Variants in PLSCR1 observed in about 807,000 individuals in gnomAD.
The protein encoded by PLSCR1 is phospholipid scramblase 1, also known as PL scramblase 1.
Under a neutral mutation model 37.8 loss-of-function variants are expected in PLSCR1, and 17 were observed. That is an observed-to-expected ratio of 0.45 (90% CI 0.31 to 0.68). The LOEUF is 0.68. PLSCR1 is among the 30% of genes least tolerant of loss of function. The pLI is 0.06. For missense variants in PLSCR1, 347 were observed against 380.9 expected, an observed-to-expected ratio of 0.91 and a Z score of 0.74; for synonymous variants, 116 against 125.9, an observed-to-expected ratio of 0.92 and a Z score of 0.53.
chr3:146,524,454 T>C (rs373628273), intron 5 of PLSCR1, among the ~76,000 whole-genome samples: 2 of 151,806 alleles, frequency 1.3e-5, no homozygotes, highest in East Asian at 3.9e-4. Flanking sequence ...ACTGGAGACA[T>C]TTCTTTTTTG....
At position 146,536,531 on chromosome 3, in the gene PLSCR1, ATTAC is replaced by A. The variant is rs543373699; in HGVS notation, c.13+5_13+8del. ...GGAGGAAAGTAAACATTTAAAATAA[ATTAC>A]TTACTTTGTTTGTCCATGATTAAAA... On this transcript the variant is annotated splice_donor_5th_base_variant and intron_variant, in intron 2 of 8. Coordinates refer to ENST00000342435, the MANE Select transcript of PLSCR1 (RefSeq NM_021105.3). The A allele has an allele frequency of 2.5e-5, 33 of 1,343,056 alleles. No homozygotes were observed. In the Admixed American group the frequency reaches 4.5e-4, roughly 18 times the overall value. 83.2% of individuals were successfully genotyped at this position (1,343,056 alleles called of 1,614,324 possible). A position where few individuals can be genotyped will look rare whatever the true frequency, so the allele number is the denominator to read the frequency against.
intron 3 of PLSCR1, among the ~76,000 whole-genome samples, chr3:146,529,552 G>A (rs1404847771): frequency 2.7e-5 from 4 of 147,774 alleles, no homozygotes; most frequent in Non-Finnish European, 5.9e-5. Flanking sequence ...TTGCTCTGTC[G>A]CCCAGGCTGG....
intron 7 of PLSCR1, chr3:146,520,067 C>T (rs1383438411): frequency 6.6e-6 from 1 of 152,060 alleles, no homozygotes; most frequent in Non-Finnish European, 1.5e-5. Context: ...AGTGGTCCCT[C>T]ATACTGATAA....
At chr3:146,520,192 GAAGAA>G (rs2044000089) in intron 7 of PLSCR1, 1 of 151,810 alleles carries the variant, frequency 6.6e-6, no homozygotes, top group Non-Finnish European at 1.5e-5. Context: ...TAGATAAATA[GAAGAA>G]AAGTTAATTT....
intron 4 of PLSCR1, 26 bp downstream of exon 4, chr3:146,528,588 T>G: frequency 7.7e-6 from 12 of 1,553,340 alleles, no homozygotes; most frequent in South Asian, 2.2e-5. Context: ...CTGTTTTTTA[T>G]GAGTATTTTG....
intron 3 of PLSCR1, among the ~76,000 whole-genome samples, chr3:146,532,323 A>G (rs1300566976): frequency 1.3e-5 from 2 of 152,218 alleles, no homozygotes; most frequent in African/African-American, 4.8e-5. Context: ...TTTAGAGCAG[A>G]TGTTCTCAAC....
Position 146,522,022 on chromosome 3 carries a change from A to G in PLSCR1, c.387T>C (p.Tyr129=), listed in dbSNP as rs532789749. The part of the protein sequence containing the change: ...VLTGFETNNK[Y]EIKNSFGQRV... ...TCTGTCCAAAGCTGTTCTTAATTTC[A>G]TATTTGTTATTAGTTTCAAAACCTG... The change falls in exon 6 of 9, where the codon TAT becomes TAC. Residue 129 remains tyrosine, a synonymous_variant. Coordinates refer to ENST00000342435, the MANE Select transcript of PLSCR1 (RefSeq NM_021105.3). 4.4e-6 allele frequency: 7 copies of G among 1,608,436 alleles called. No individual in the cohort carries two copies. The Admixed American group carries it at 8.3e-5, about 19-fold the overall frequency.
At chr3:146,526,967 G>A (rs933844164) in intron 4 of PLSCR1, among the ~76,000 whole-genome samples, 7 of 152,080 alleles carry the variant, frequency 4.6e-5, no homozygotes, top group African/African-American at 9.7e-5. Context: ...TGGTGAAACC[G>A]TCTCTACTAA....
chr3:146,542,379 C>T (rs986982783), intron 1 of PLSCR1, among the ~76,000 whole-genome samples: 8 of 152,154 alleles, frequency 5.3e-5, no homozygotes, highest in African/African-American at 1.9e-4. Flanking sequence ...CCCACCACCC[C>T]AGCCTAAATA....
chr3:146,517,612 A>G (rs1356180233), intron 7 of PLSCR1, among the ~76,000 whole-genome samples: 1 of 152,168 alleles, frequency 6.6e-6, no homozygotes, highest in Admixed American at 6.5e-5. Flanking sequence ...ATTACTACCC[A>G]CTGTGAGTTG....
At chr3:146,543,553 A>C in intron 1 of PLSCR1, among the ~76,000 whole-genome samples, 1 of 152,234 alleles carries the variant, frequency 6.6e-6, no homozygotes, top group Non-Finnish European at 1.5e-5. Context: ...TAAGCCAGAA[A>C]AAACAACGAC....
intron 7 of PLSCR1, among the ~76,000 whole-genome samples, 170 bp downstream of exon 7, chr3:146,521,374 T>C (rs946837240): frequency 2.0e-5 from 3 of 152,192 alleles, no homozygotes; most frequent in African/African-American, 7.2e-5. Flanking sequence ...CAGTGACCTT[T>C]AATCAGAGTG....
intron 1 of PLSCR1, among the ~76,000 whole-genome samples, chr3:146,543,780 A>G (rs73865798): frequency 0.044 from 6,732 of 152,340 alleles, 503 homozygotes; most frequent in African/African-American, 0.15. Flanking sequence ...TTTAATAGTT[A>G]CACAATTTCA....
At chr3:146,534,811 G>A (rs2044244908) in intron 2 of PLSCR1, among the ~76,000 whole-genome samples, 2 of 152,270 alleles carry the variant, frequency 1.3e-5, no homozygotes, top group South Asian at 4.1e-4. Flanking sequence ...GGGAGGCGGA[G>A]GTTGCAGTGA....
intron 5 of PLSCR1, among the ~76,000 whole-genome samples, chr3:146,524,776 T>G (rs1422945424): frequency 6.6e-6 from 1 of 152,214 alleles, no homozygotes; most frequent in East Asian, 1.9e-4. Context: ...CAATTGTATA[T>G]TTTAGCCAAA....
chr3:146,533,172 G>T (rs1272773084), intron 3 of PLSCR1, among the ~76,000 whole-genome samples: 2 of 152,106 alleles, frequency 1.3e-5, no homozygotes, highest in Non-Finnish European at 2.9e-5. Context: ...ATTTTAGGAT[G>T]TACAGTCTTG....
intron 3 of PLSCR1, 92 bp downstream of exon 3, chr3:146,533,376 TTC>T (rs1043457377): frequency 1.6e-3 from 911 of 580,130 alleles, no homozygotes; most frequent in South Asian, 2.4e-3. Context: ...AAATGCACAA[TTC>T]TCTCTCTCTC....
rs906516923 is a variant in PLSCR1 at position 146,536,978 on chromosome 3, G to A, written c.-13-413C>T. Among the ~76,000 whole-genome samples the A allele has an allele frequency of 2.6e-5, 4 of 152,172 alleles. No homozygotes were observed. In the East Asian group the frequency reaches 7.7e-4, roughly 29 times the overall value. On this transcript the variant is annotated intron_variant, in intron 1 of 8. Transcript: ENST00000342435. The stretch of plus-strand genomic sequence containing the variant: ...TGGAAATGCTTGGCCCAGTCTCTGG[G>A]CCCCAGGAATGTTCCAGCAGGAAAG...
intron 5 of PLSCR1, among the ~76,000 whole-genome samples, chr3:146,523,922 G>C (rs995037168): frequency 3.3e-5 from 5 of 152,176 alleles, no homozygotes; most frequent in Non-Finnish European, 7.3e-5. Context: ...AAAATAATGA[G>C]TGATTAAAAT....
Sources: gnomAD v4.1 joint callset for allele counts (sites outside exome capture counted in the v4.1 genomes callset) on GRCh38, gnomAD v4.1.1 for gene constraint, MANE v1.5 for transcripts, NCBI Gene and HGNC (gene_info 2026-07-23, HGNC 2026-07-21) for gene names.